Variants in TMEM132D observed in about 807,000 individuals in gnomAD.
TMEM132D encodes transmembrane protein 132D.
A neutral mutation model predicts 62.3 loss-of-function variants in TMEM132D; 21 were observed. The observed-to-expected ratio is 0.34, with a 90% CI of 0.24 to 0.49. The LOEUF is 0.49. Ranked by LOEUF, TMEM132D falls within the 20% of genes least tolerant of loss-of-function variation. The pLI, the probability that TMEM132D is intolerant of heterozygous loss-of-function variation, is 0.99. For synonymous variants in TMEM132D, 621 were observed against 575.6 expected (o/e 1.08, Z -1.13); for missense variants, 1,346 against 1,402.8 (o/e 0.96, Z 0.65).
At chr12:129,339,731 C>A (rs1319422786) in intron 3 of TMEM132D, among the ~76,000 whole-genome samples, 6 of 152,282 alleles carry the variant, frequency 3.9e-5, no homozygotes, top group African/African-American at 1.4e-4. Flanking sequence ...ATGACTTTCC[C>A]ATTGATGAAA....
chr12:129,835,617 C>T (rs767101230), intron 1 of TMEM132D, among the ~76,000 whole-genome samples: 2 of 151,908 alleles, frequency 1.3e-5, no homozygotes, highest in African/African-American at 2.4e-5. Flanking sequence ...AAAAATCATG[C>T]GCAAAAAAGA....
intron 5 of TMEM132D, among the ~76,000 whole-genome samples, chr12:129,101,984 GT>G (rs774221783): frequency 4.0e-4 from 51 of 126,962 alleles, no homozygotes; most frequent in South Asian, 9.8e-4. Context: ...CAAAGCTGCT[GT>G]TTTTTTTTTT....
intron 5 of TMEM132D, among the ~76,000 whole-genome samples, chr12:129,207,921 T>G (rs1004920477): frequency 6.6e-6 from 1 of 152,218 alleles, no homozygotes; most frequent in Non-Finnish European, 1.5e-5. Context: ...AATGTTAGTA[T>G]TATTCTCTAG....
intron 3 of TMEM132D, among the ~76,000 whole-genome samples, chr12:129,423,236 T>C (rs1944746475): frequency 3.9e-5 from 6 of 152,116 alleles, no homozygotes; most frequent in Admixed American, 3.3e-4. Context: ...CTGAAATCTA[T>C]CACGTGATGA....
At chr12:129,289,024 C>G (rs147476474) in intron 4 of TMEM132D, among the ~76,000 whole-genome samples, 1 of 151,958 alleles carries the variant, frequency 6.6e-6, no homozygotes, top group East Asian at 1.9e-4. Flanking sequence ...TTTTAGAGAC[C>G]TCCTGTGAAT....
chr12:129,379,748 A>G (rs1314207105), intron 3 of TMEM132D, among the ~76,000 whole-genome samples: 2 of 152,176 alleles, frequency 1.3e-5, no homozygotes, highest in African/African-American at 2.4e-5. Flanking sequence ...GTTAATACCA[A>G]TAAAGTGCCA....
chr12:129,836,484 C>T (rs1250082262), intron 1 of TMEM132D, among the ~76,000 whole-genome samples: 1 of 150,156 alleles, frequency 6.7e-6, no homozygotes, highest in Non-Finnish European at 1.5e-5. Context: ...CTTGTGTCTC[C>T]AGGAATGCAG....
intron 5 of TMEM132D, among the ~76,000 whole-genome samples, chr12:129,118,954 T>C (rs765463050): frequency 2.0e-5 from 3 of 152,188 alleles, no homozygotes; most frequent in Admixed American, 6.5e-5. Context: ...CAGGGCAGAT[T>C]TGATGCTCTG....
At chr12:129,593,213 G>A (rs1878243126) in intron 2 of TMEM132D, among the ~76,000 whole-genome samples, 1 of 152,206 alleles carries the variant, frequency 6.6e-6, no homozygotes, top group Non-Finnish European at 1.5e-5. Flanking sequence ...TTCAAGCTTA[G>A]AAGCTGCAAG....
chr12:129,641,158 GA>G (rs1293501965), intron 2 of TMEM132D, among the ~76,000 whole-genome samples: 24 of 152,254 alleles, frequency 1.6e-4, no homozygotes, highest in African/African-American at 4.6e-4. Context: ...CCGGTCCATG[GA>G]AAAATTGTCT....
At chr12:129,661,131 G>A (rs1880227672) in intron 2 of TMEM132D, among the ~76,000 whole-genome samples, 1 of 152,134 alleles carries the variant, frequency 6.6e-6, no homozygotes, top group South Asian at 2.1e-4. Flanking sequence ...GGGCTAACGG[G>A]ACCTCCCAAC....
chr12:129,495,798 T>C (rs909810789), intron 3 of TMEM132D, among the ~76,000 whole-genome samples: 40 of 152,140 alleles, frequency 2.6e-4, no homozygotes, highest in African/African-American at 9.7e-4. Flanking sequence ...TATCAGCGCC[T>C]GAAGAGAGGC....
chr12:129,269,802 G>A (rs1265387313), intron 4 of TMEM132D, among the ~76,000 whole-genome samples: 1 of 152,166 alleles, frequency 6.6e-6, no homozygotes, highest in Non-Finnish European at 1.5e-5. Context: ...AGCTTCCTCA[G>A]AGCAGAGGCT....
chr12:129,679,108 T>C (rs1035089231), intron 2 of TMEM132D, among the ~76,000 whole-genome samples: 1 of 151,950 alleles, frequency 6.6e-6, no homozygotes, highest in Non-Finnish European at 1.5e-5. Context: ...AAAAATTAAC[T>C]TGTCAAGTTC....
chr12:129,257,713 C>G (rs957721928), intron 4 of TMEM132D, among the ~76,000 whole-genome samples: 1 of 152,068 alleles, frequency 6.6e-6, no homozygotes, highest in African/African-American at 2.4e-5. Context: ...TAGGGAAACA[C>G]AAGAATTTCA....
chr12:129,890,888 A>C (rs1292741021), intron 1 of TMEM132D, among the ~76,000 whole-genome samples: 2 of 152,188 alleles, frequency 1.3e-5, no homozygotes, highest in African/African-American at 4.8e-5. Flanking sequence ...TGAAGATAAA[A>C]TACTCGAACC....
intron 4 of TMEM132D, among the ~76,000 whole-genome samples, chr12:129,280,109 A>G (rs1023786191): frequency 7.9e-5 from 12 of 152,252 alleles, no homozygotes; most frequent in Non-Finnish European, 1.8e-4. Flanking sequence ...GTCTTCATAA[A>G]GGGAAACTAT....
intron 4 of TMEM132D, among the ~76,000 whole-genome samples, chr12:129,332,507 T>A (rs1869141455): frequency 6.6e-6 from 1 of 152,158 alleles, no homozygotes; most frequent in Admixed American, 6.5e-5. Flanking sequence ...TCAGCTCAAG[T>A]GGACCTCAGA....
intron 1 of TMEM132D, among the ~76,000 whole-genome samples, chr12:129,836,467 T>A (rs1019132667): frequency 2.0e-5 from 3 of 151,834 alleles, no homozygotes; most frequent in African/African-American, 7.3e-5. Flanking sequence ...GATAACTAAG[T>A]GGATTGCTTG....
Sources: gnomAD v4.1 joint callset for allele counts (sites outside exome capture counted in the v4.1 genomes callset) on GRCh38, gnomAD v4.1.1 for gene constraint, MANE v1.5 for transcripts, NCBI Gene and HGNC (gene_info 2026-07-23, HGNC 2026-07-21) for gene names.